NBEAL1: variants seen among roughly 807,000 people sequenced by gnomAD.
The protein encoded by NBEAL1 is neurobeachin like 1, also known as neurobeachin-like protein 1.
NBEAL1 carries 273 observed loss-of-function variants against 351.3 expected under a neutral mutation model. The ratio of observed to expected loss-of-function variants is 0.78; its 90% CI spans 0.70 to 0.86. NBEAL1 has a LOEUF of 0.86. Ranked by LOEUF, NBEAL1 falls within the 40% of genes least tolerant of loss-of-function variation. The pLI, the probability that NBEAL1 is intolerant of heterozygous loss-of-function variation, is 0.00. For missense variants in NBEAL1, 2,961 were observed against 3,201.3 expected, an observed-to-expected ratio of 0.92 and a Z score of 1.81; for synonymous variants, 1,050 against 1,086.4, an observed-to-expected ratio of 0.97 and a Z score of 0.66.
chr2:203,217,673 G>A lies in NBEAL1; in HGVS notation c.*319G>A. 1 of 962,480 alleles carries A rather than the reference G, an allele frequency of 1.0e-6. No homozygotes were observed. The highest frequency in any genetic ancestry group is 1.2e-6 in the Non-Finnish European group (1 of 804,726). The allele number at this position is 962,480 out of a possible 1,614,324, so 59.6% of individuals were successfully genotyped here. A position where few individuals can be genotyped will look rare whatever the true frequency, so the allele number is the denominator to read the frequency against. ...AATTTAAGATTTTTCTAATAAAAGA[G>A]TACAGATAATGGGACAGTTGAGAGA... On this transcript the variant is annotated 3_prime_UTR_variant, in exon 56 of 56. Transcript: ENST00000683969.
intron 18 of NBEAL1, among the ~76,000 whole-genome samples, chr2:203,116,293 A>G (rs1489637969): frequency 2.0e-5 from 3 of 152,176 alleles, no homozygotes; most frequent in Non-Finnish European, 4.4e-5. Flanking sequence ...CTGTGGTACT[A>G]ATGGCAATAG....
rs776881473 is a variant in NBEAL1 at position 203,193,807 on chromosome 2, C to T, written c.6934C>T (p.Pro2312Ser). The change falls in exon 47 of 56, where the codon CCA becomes TCA. Residue 2312 changes from proline (P) to serine (S), a missense_variant. By Grantham distance (74) the Pro-to-Ser change is moderately conservative (BLOSUM62 -1). Coordinates refer to ENST00000683969, the MANE Select transcript of NBEAL1 (RefSeq NM_001378026.1). ...PCQLLKEPHP[P>S]RLSAEEAVQK... ...AATTATTTTGAAGGAACCACACCCT[C>T]CAAGATTATCAGCAGAAGAAGCAGT... 6.2e-7 allele frequency: 1 copy of T among 1,611,116 alleles called. No homozygotes were observed. The highest frequency in any genetic ancestry group is 1.1e-5 in the South Asian group (1 of 90,652).
intron 34 of NBEAL1, among the ~76,000 whole-genome samples, chr2:203,150,424 G>T (rs939237225): frequency 6.6e-6 from 1 of 151,768 alleles, no homozygotes; most frequent in Non-Finnish European, 1.5e-5. Context: ...TGAATTGTAA[G>T]AATGTATATA....
Position 203,202,772 on chromosome 2 carries a change from A to G in NBEAL1, c.7497A>G (p.Ile2499Met). The G allele has an allele frequency of 6.4e-7, 1 of 1,557,488 alleles. No individual in the cohort carries two copies. Among genetic ancestry groups the G allele is most frequent in the Non-Finnish European group, 8.9e-7 (1 of 1,129,334 alleles). Residue 2499 changes from isoleucine to methionine, a missense_variant, in exon 51 of 56, where the codon ATA becomes ATG. Coordinates refer to ENST00000683969, the MANE Select transcript of NBEAL1 (RefSeq NM_001378026.1). ...ATACTACATGTATGATATGGCAAAT[A>G]ACACAACAGGTAGTCACACATTTAA... ...SRDTTCMIWQ[I>M]TQQGGVPVGL...
At chr2:203,175,106 T>C (rs1205170156) in intron 41 of NBEAL1, 41 bp from the exon 42 acceptor site, 2 of 1,549,062 alleles carry the variant, frequency 1.3e-6, no homozygotes, top group Admixed American at 1.8e-5. Flanking sequence ...TTATGTACTT[T>C]ATTATTGTGG....
chr2:203,138,089 T>C, intron 29 of NBEAL1, 73 bp from the exon 30 acceptor site: 1 of 1,436,688 alleles, frequency 7.0e-7, no homozygotes, highest in Non-Finnish European at 9.6e-7. Flanking sequence ...TCAAGCTATT[T>C]TGTTTTGTTT....
At position 203,049,815 on chromosome 2, in the gene NBEAL1, G is replaced by A. The variant is rs566081063; in HGVS notation, c.145G>A (p.Val49Ile). ...TATTTTTTTCCCTTTCTGTTGTAGG[G>A]TAGATGATATGCCTCCAGGAATATC... is the stretch of plus-strand genomic sequence containing the variant. ...DVDFEKLPTR[V>I]DDMPPGISLL... Residue 49 changes from valine to isoleucine, a missense_variant and splice_region_variant, in exon 4 of 56, where the codon GTA (valine) becomes ATA (isoleucine). Coordinates refer to ENST00000683969, the MANE Select transcript of NBEAL1 (RefSeq NM_001378026.1). The A allele has an allele frequency of 1.0e-4, 157 of 1,548,398 alleles. 3 individuals carry two copies. Among genetic ancestry groups the A allele is most frequent in the South Asian group, 3.5e-4 (29 of 83,498 alleles).
At chr2:203,143,844 A>C (rs1238072773) in intron 31 of NBEAL1, among the ~76,000 whole-genome samples, 1 of 152,146 alleles carries the variant, frequency 6.6e-6, no homozygotes, top group South Asian at 2.1e-4. Flanking sequence ...AGATTTGTTT[A>C]CTATCCAATA....
intron 54 of NBEAL1, among the ~76,000 whole-genome samples, chr2:203,213,300 A>T (rs543084081): frequency 1.1e-4 from 17 of 152,298 alleles, no homozygotes; most frequent in Admixed American, 2.0e-4. Context: ...AGAAAAATAG[A>T]TGTCAAAAAT....
In NBEAL1 at chr2:203,094,201, T is replaced by C. The variant is rs2062129238; in HGVS notation, c.1099-3346T>C. Among the ~76,000 whole-genome samples, 5 of 152,150 alleles carry C rather than the reference T, an allele frequency of 3.3e-5. No homozygotes were observed. The South Asian group carries it at 1.0e-3, about 31-fold the overall frequency. On this transcript the variant is annotated intron_variant, in intron 10 of 55. Transcript: ENST00000683969. ...ATTACTGGAACTTAAGGTCACAGTTTAGTCAGTAGGGAAAAATGTTTTCTG... is the reference window on the plus strand; with the variant it reads ...ATTACTGGAACTTAAGGTCACAGTTCAGTCAGTAGGGAAAAATGTTTTCTG...
intron 24 of NBEAL1, among the ~76,000 whole-genome samples, chr2:203,128,723 G>A (rs1319089530): frequency 2.0e-5 from 3 of 150,776 alleles, no homozygotes; most frequent in Non-Finnish European, 4.4e-5. Context: ...TCAGCCTCCC[G>A]AGTAGCTGGG....
chr2:203,062,646 A>C lies in NBEAL1; in HGVS notation c.515+5193A>C, dbSNP rs1486894186. 6.6e-6 allele frequency among the ~76,000 whole-genome samples: 1 copy of C among 152,372 alleles called. No individual in the cohort carries two copies. Among genetic ancestry groups the C allele is most frequent in the East Asian group, 1.9e-4 (1 of 5,192 alleles). On this transcript the variant is annotated intron_variant, in intron 6 of 55. Coordinates refer to ENST00000683969, the MANE Select transcript of NBEAL1 (RefSeq NM_001378026.1). This position sits in a 1 kb window ranked among gnomAD's most constrained non-coding sequence, Gnocchi z 4.2. ...AGAAAGGGGGGCAAAGTAGAGGATG[A>C]GTAGCAGCATTTAATGAATGTATGC...
intron 1 of NBEAL1, chr2:203,015,891 C>G (rs1413081186): frequency 6.6e-6 from 1 of 152,502 alleles, no homozygotes; most frequent in Non-Finnish European, 1.5e-5. Context: ...AGTCTTGCTC[C>G]TTATTCTCAC....
chr2:203,184,014 G>A (rs2064813613), intron 44 of NBEAL1, among the ~76,000 whole-genome samples: 1 of 149,108 alleles, frequency 6.7e-6, no homozygotes, highest in South Asian at 2.1e-4. Flanking sequence ...GGAGGCTGAG[G>A]TTGCAGTGAG....
chr2:203,120,104 T>C (rs2062796172), intron 18 of NBEAL1, among the ~76,000 whole-genome samples: 1 of 152,212 alleles, frequency 6.6e-6, no homozygotes, highest in Non-Finnish European at 1.5e-5. Flanking sequence ...AAAAATAAGT[T>C]CAACATAACT....
intron 37 of NBEAL1, among the ~76,000 whole-genome samples, 181 bp downstream of exon 37, chr2:203,166,478 T>G (rs1366368913): frequency 6.6e-6 from 1 of 152,174 alleles, no homozygotes; most frequent in Non-Finnish European, 1.5e-5. Context: ...TTTTAAAAAT[T>G]ATCAATGCAT....
Position 203,217,243 on chromosome 2 carries a change from C to T in NBEAL1, c.8071-10C>T, listed in dbSNP as rs781594652. On this transcript the variant is annotated splice_polypyrimidine_tract_variant and intron_variant, in intron 55 of 55. Coordinates refer to ENST00000683969, the MANE Select transcript of NBEAL1 (RefSeq NM_001378026.1). ...ATTTATTCTTCATTTCTTTGGATTA[C>T]TTTACACAGATGCGTTCAGGTCAGC... The T allele has an allele frequency of 5.2e-5, 80 of 1,541,418 alleles. No homozygotes were observed. Among genetic ancestry groups the T allele is most frequent in the Middle Eastern group, 1.7e-4 (1 of 5,776 alleles).
In NBEAL1 at chr2:203,089,583, C is replaced by A. The variant is rs185109834; in HGVS notation, c.1098+5014C>A. On this transcript the variant is annotated intron_variant, in intron 10 of 55. Coordinates refer to ENST00000683969, the MANE Select transcript of NBEAL1 (RefSeq NM_001378026.1). ...TATGAAGCTCAAACAAATACAATAA[C>A]TAGAGGCGGGTAGCATTTAAGAGAC... Among the ~76,000 whole-genome samples, 326 of 152,224 alleles carry A rather than the reference C, an allele frequency of 2.1e-3. 5 individuals are homozygous for A. Among genetic ancestry groups the A allele is most frequent in the Non-Finnish European group, 3.2e-4 (22 of 68,020 alleles).
At chr2:203,023,646 G>A (rs1355149138) in intron 2 of NBEAL1, among the ~76,000 whole-genome samples, 1 of 150,248 alleles carries the variant, frequency 6.7e-6, no homozygotes, top group African/African-American at 2.4e-5. Context: ...AAAAAACACC[G>A]TGGTCTTCCC....
Sources: gnomAD v4.1 joint callset for allele counts (sites outside exome capture counted in the v4.1 genomes callset) on GRCh38, gnomAD v4.1.1 for gene constraint, Gnocchi (gnomAD v3.1) non-coding constraint, MANE v1.5 for transcripts, NCBI Gene and HGNC (gene_info 2026-07-23, HGNC 2026-07-21) for gene names.